ASNS: variants seen among roughly 807,000 people sequenced by gnomAD.
The protein encoded by ASNS is asparagine synthetase (glutamine-hydrolyzing).
A neutral mutation model predicts 62.6 loss-of-function variants in ASNS; 37 were observed. That is an observed-to-expected ratio of 0.59 (90% confidence interval 0.45 to 0.78). ASNS has a LOEUF of 0.78. ASNS is among the 30% of genes least tolerant of loss of function. The probability of loss-of-function intolerance (pLI) is 0.00; values close to 1 mark genes in which losing one functional copy is unlikely to be tolerated. For missense variants in ASNS, 520 were observed against 682.4 expected, an observed-to-expected ratio of 0.76 and a Z score of 2.65; for synonymous variants, 207 against 237.9, an observed-to-expected ratio of 0.87 and a Z score of 1.19.
the ASNS span, among the ~76,000 whole-genome samples, chr7:97,882,625 T>TTAAATAAATAAA: frequency 0.08 from 10,411 of 130,168 alleles, 868 homozygotes; most frequent in Middle Eastern, 0.13. Flanking sequence ...CAGAGAGAGA[T>TTAAATAAATAAA]TAAATAAATA....
intron 4 of ASNS, among the ~76,000 whole-genome samples, chr7:97,862,918 C>A (rs962375032): frequency 6.6e-6 from 1 of 152,112 alleles, no homozygotes; most frequent in African/African-American, 2.4e-5. Flanking sequence ...TCACTGTCAA[C>A]AGGAAAATAC....
the ASNS span, among the ~76,000 whole-genome samples, chr7:97,900,224 T>C: frequency 6.6e-6 from 1 of 151,738 alleles, no homozygotes; most frequent in Non-Finnish European, 1.5e-5. Context: ...TAGCCAGGCA[T>C]GGTGGCAGGT....
At chr7:97,889,925 T>TACAAAAAAAAAAAAAAAAAAAAAAAAA in the ASNS span, among the ~76,000 whole-genome samples, 1 of 7,302 alleles carries the variant, frequency 1.4e-4, no homozygotes, top group African/African-American at 5.3e-4. Context: ...AGATAATGAA[T>TACAAAAAAAAAAAAAAAAAAAAAAAAA]ACAAAAAAAA....
the ASNS span, among the ~76,000 whole-genome samples, chr7:97,895,498 C>T: frequency 5.9e-5 from 9 of 152,296 alleles, no homozygotes; most frequent in South Asian, 1.9e-3. Context: ...CCAAAAAACT[C>T]TTAAAATAAA....
At chr7:97,924,378 C>T in the ASNS span, among the ~76,000 whole-genome samples, 11 of 152,320 alleles carry the variant, frequency 7.2e-5, no homozygotes, top group South Asian at 1.0e-3. Context: ...ATTACAAGAG[C>T]GCCACGGCAG....
rs1791562182 is a variant in ASNS, at chr7:97,858,425, T to C, written c.776-20A>G. 3 of 1,613,792 alleles carry C rather than the reference T, an allele frequency of 1.9e-6. No individual in the cohort carries two copies. In the Admixed American group the frequency reaches 5.0e-5, roughly 27 times the overall value. ...AGCCCCCTACATGCAAAAGAGGAAGTGGAAGTGTCCTAGTTATGTGCCTTG... is the reference window on the plus strand; with the variant it reads ...AGCCCCCTACATGCAAAAGAGGAAGCGGAAGTGTCCTAGTTATGTGCCTTG... On this transcript the variant is annotated intron_variant, in intron 6 of 12. Transcript: ENST00000394308.
At chr7:97,880,112 T>C in the ASNS span, among the ~76,000 whole-genome samples, 7 of 146,866 alleles carry the variant, frequency 4.8e-5, no homozygotes, top group African/African-American at 1.8e-4. Flanking sequence ...GAGAGCTCCA[T>C]AAAGGAAGGA....
intron 7 of ASNS, 78 bp from the exon 8 acceptor site, chr7:97,856,894 C>A (rs1371673201): frequency 2.9e-6 from 4 of 1,403,310 alleles, no homozygotes; most frequent in Non-Finnish European, 3.9e-6. Context: ...TGGGAGTTCA[C>A]AAAGCTTTAT....
intron 4 of ASNS, among the ~76,000 whole-genome samples, chr7:97,862,875 A>G (rs1791791242): frequency 6.6e-6 from 1 of 152,230 alleles, no homozygotes; most frequent in Non-Finnish European, 1.5e-5. Flanking sequence ...AGATATACAA[A>G]TGGCCAATAA....
the ASNS span, among the ~76,000 whole-genome samples, chr7:97,912,731 C>T: frequency 1.3e-5 from 2 of 151,594 alleles, no homozygotes; most frequent in Non-Finnish European, 2.9e-5. Flanking sequence ...TACAGGCAGA[C>T]GCCACCACAC....
the ASNS span, among the ~76,000 whole-genome samples, chr7:97,879,843 T>C: frequency 6.6e-6 from 1 of 152,290 alleles, no homozygotes; most frequent in East Asian, 1.9e-4. Context: ...AGATAACTAA[T>C]ATAAAAACTG....
intron 4 of ASNS, 64 bp downstream of exon 4, chr7:97,864,195 A>G (rs1791850980): frequency 2.1e-6 from 3 of 1,417,778 alleles, no homozygotes; most frequent in East Asian, 2.3e-5. Context: ...ATTTTCAAAT[A>G]TAATTTAAAA....
chr7:97,853,924 C>G (rs1182493622), intron 10 of ASNS, among the ~76,000 whole-genome samples: 11 of 152,152 alleles, frequency 7.2e-5, no homozygotes. Context: ...GGATAATGAC[C>G]AGATTCAGTT....
the ASNS span, among the ~76,000 whole-genome samples, chr7:97,927,071 CTTTTT>C: frequency 1.5e-4 from 6 of 40,508 alleles, no homozygotes; most frequent in East Asian, 3.2e-3. Context: ...CCACACCTGG[CTTTTT>C]TTTTTTTTTT....
chr7:97,858,268 A>C lies in ASNS; in HGVS notation c.903+10T>G, dbSNP rs758546052. 4.9e-5 allele frequency: 79 copies of C among 1,612,376 alleles called. No individual in the cohort carries two copies. Among genetic ancestry groups the C allele is most frequent in the Non-Finnish European group, 6.1e-5 (72 of 1,179,890 alleles). ...ACTACACTACACAAGGGACAGAGAC[A>C]GCACCTTACCTTTCTAGCAGCCAGT... On this transcript the variant is annotated intron_variant, in intron 7 of 12. Transcript: ENST00000394308.
chr7:97,885,824 C>G, the ASNS span: 4 of 296,372 alleles, frequency 1.3e-5, no homozygotes, highest in Non-Finnish European at 2.6e-5. Context: ...TATATTAAGT[C>G]TTCACAATCT....
chr7:97,926,777 C>A, the ASNS span, among the ~76,000 whole-genome samples: 1 of 152,162 alleles, frequency 6.6e-6, no homozygotes, highest in African/African-American at 2.4e-5. Context: ...TCCCATTTCC[C>A]TTTGTGGACC....
At chr7:97,870,980 T>C (rs1792230070) in intron 1 of ASNS, among the ~76,000 whole-genome samples, 1 of 152,216 alleles carries the variant, frequency 6.6e-6, no homozygotes, top group African/African-American at 2.4e-5. Context: ...GCAAAGTTCC[T>C]ACTGCCGCTA....
chr7:97,918,743 A>C, the ASNS span, among the ~76,000 whole-genome samples: 1 of 152,138 alleles, frequency 6.6e-6, no homozygotes, highest in Non-Finnish European at 1.5e-5. Flanking sequence ...ACACATGGAC[A>C]CAGGGAGGGG....
Sources: gnomAD v4.1 joint callset for allele counts (sites outside exome capture counted in the v4.1 genomes callset) on GRCh38, gnomAD v4.1.1 for gene constraint, MANE v1.5 for transcripts, NCBI Gene and HGNC (gene_info 2026-07-23, HGNC 2026-07-21) for gene names.